Variants in SDK1 observed in about 807,000 individuals in gnomAD.
The protein encoded by SDK1 is sidekick cell adhesion molecule 1, also known as protein sidekick-1.
Under a neutral mutation model 245.5 loss-of-function variants are expected in SDK1, and 157 were observed. The ratio of observed to expected loss-of-function variants is 0.64; its 90% confidence interval spans 0.56 to 0.73. The LOEUF (loss-of-function observed/expected upper bound fraction) is 0.73, where lower values mean the gene tolerates loss of function less well. SDK1 is among the 30% of genes least tolerant of loss of function. SDK1 has a pLI of 0.00. For missense variants in SDK1, 3,583 were observed against 3,002.3 expected (o/e 1.19, Z -4.52); for synonymous variants, 1,647 against 1,278.5 (o/e 1.29, Z -6.15).
intron 1 of SDK1, among the ~76,000 whole-genome samples, chr7:3,483,252 A>T (rs1781573695): frequency 6.6e-6 from 1 of 152,146 alleles, no homozygotes; most frequent in African/African-American, 2.4e-5. Context: ...CTTTTAGTTT[A>T]TTCAGGCTTC....
chr7:3,624,017 T>C lies in SDK1; in HGVS notation c.458+4778T>C, dbSNP rs917877813. 5.9e-5 allele frequency among the ~76,000 whole-genome samples: 9 copies of C among 152,292 alleles called. No individual in the cohort carries two copies. In the East Asian group the frequency reaches 1.4e-3, roughly 23 times the overall value. On this transcript the variant is annotated intron_variant, in intron 2 of 44. Coordinates refer to ENST00000404826, the MANE Select transcript of SDK1 (RefSeq NM_152744.4). ...CATTTCACAGTATCAATAAAAATTA[T>C]GAAATACCTGGGAATAAGTTTTATA...
rs1020901972 is a variant in SDK1, at chr7:4,266,864, G to A, written c.*1480G>A. The A allele has an allele frequency of 1.3e-4, 127 of 985,548 alleles. No individual in the cohort carries two copies. The African/African-American group carries it at 2.2e-3, about 17-fold the overall frequency. The allele number at this position is 985,548 out of a possible 1,614,324, so 61.1% of individuals were successfully genotyped here. On this transcript the variant is annotated 3_prime_UTR_variant, in exon 45 of 45. Transcript: ENST00000404826. ...CACAAGACTCAAGACCACCCTGTCA[G>A]TGCCCCCCAGTGCACGGCAAACGGG...
chr7:3,495,095 C>G (rs913691283), intron 1 of SDK1, among the ~76,000 whole-genome samples: 3 of 152,058 alleles, frequency 2.0e-5, no homozygotes, highest in Non-Finnish European at 2.9e-5. Context: ...TGGTTGATGA[C>G]AGATGCCACC....
chr7:4,032,103 A>T (rs1787866650), intron 17 of SDK1, among the ~76,000 whole-genome samples: 1 of 152,066 alleles, frequency 6.6e-6, no homozygotes, highest in African/African-American at 2.4e-5. Context: ...AAACCCAAAC[A>T]GGTCCAAAGA....
chr7:3,482,759 C>G (rs1383944879), intron 1 of SDK1, among the ~76,000 whole-genome samples: 1 of 152,162 alleles, frequency 6.6e-6, no homozygotes, highest in Non-Finnish European at 1.5e-5. Flanking sequence ...GCAGCTTCCA[C>G]CCAATATTCA....
At chr7:4,022,989 T>C (rs1278572196) in intron 17 of SDK1, among the ~76,000 whole-genome samples, 1 of 152,034 alleles carries the variant, frequency 6.6e-6, no homozygotes, top group Admixed American at 6.6e-5. Context: ...TTACCCAGGA[T>C]GGTCTCGATC....
chr7:3,412,182 C>T (rs1460623649), intron 1 of SDK1, among the ~76,000 whole-genome samples: 1 of 152,084 alleles, frequency 6.6e-6, no homozygotes, highest in Non-Finnish European at 1.5e-5. Context: ...TTATATGGCT[C>T]AAAATTTGAA....
Position 4,266,434 on chromosome 7 carries a change from C to A in SDK1, c.*1050C>A. ...ACGCTCCCGACTCGCCTCGTGCACA[C>A]CAGGCCGTCCCCTCCCTCTGTCCTG... On this transcript the variant is annotated 3_prime_UTR_variant, in exon 45 of 45. Coordinates refer to ENST00000404826, the MANE Select transcript of SDK1 (RefSeq NM_152744.4). 1.0e-6 allele frequency: 1 copy of A among 985,394 alleles called. No individual in the cohort carries two copies. The allele number at this position is 985,394 out of a possible 1,614,324, so 61.0% of individuals were successfully genotyped here.
intron 5 of SDK1, among the ~76,000 whole-genome samples, chr7:3,851,894 C>G (rs1470328404): frequency 1.3e-5 from 2 of 152,018 alleles, no homozygotes; most frequent in Non-Finnish European, 2.9e-5. Flanking sequence ...TTCTCATACC[C>G]CTGACAGATT....
chr7:4,133,195 A>G (rs752823901), intron 28 of SDK1, among the ~76,000 whole-genome samples: 7 of 152,338 alleles, frequency 4.6e-5, no homozygotes, highest in Non-Finnish European at 8.8e-5. Flanking sequence ...GAACGCGTTT[A>G]CTTCTGACTT....
chr7:3,981,967 A>T (rs1361669278), intron 13 of SDK1, among the ~76,000 whole-genome samples: 1 of 152,218 alleles, frequency 6.6e-6, no homozygotes, highest in Non-Finnish European at 1.5e-5. Context: ...ACAGCCTTTT[A>T]TGGGAAGAAG....
At chr7:4,064,983 T>G (rs1195550271) in intron 19 of SDK1, among the ~76,000 whole-genome samples, 1 of 152,040 alleles carries the variant, frequency 6.6e-6, no homozygotes, top group Non-Finnish European at 1.5e-5. Flanking sequence ...AAGGAGTAAG[T>G]TCCAATGCTC....
intron 1 of SDK1, among the ~76,000 whole-genome samples, chr7:3,409,720 C>G (rs1779147938): frequency 6.6e-6 from 1 of 151,552 alleles, no homozygotes; most frequent in Non-Finnish European, 1.5e-5. Context: ...GACTGTTGAC[C>G]CAGAGAAAGA....
At chr7:3,692,494 T>G (rs569935695) in intron 4 of SDK1, among the ~76,000 whole-genome samples, 8 of 152,208 alleles carry the variant, frequency 5.3e-5, no homozygotes, top group Non-Finnish European at 1.0e-4. Flanking sequence ...TAACATATTT[T>G]AAGCTTGTTG....
chr7:4,133,313 C>T (rs1403297819), intron 28 of SDK1, among the ~76,000 whole-genome samples: 1 of 152,244 alleles, frequency 6.6e-6, no homozygotes, highest in African/African-American at 2.4e-5. Flanking sequence ...AGTTCCTTGA[C>T]TCATTCACCC....
At chr7:3,361,197 A>G (rs950985781) in intron 1 of SDK1, among the ~76,000 whole-genome samples, 1 of 152,062 alleles carries the variant, frequency 6.6e-6, no homozygotes. Flanking sequence ...ATGCCTGTAA[A>G]CTCTTCGGGA....
At chr7:3,454,228 C>G (rs974280923) in intron 1 of SDK1, among the ~76,000 whole-genome samples, 1 of 152,056 alleles carries the variant, frequency 6.6e-6, no homozygotes, top group East Asian at 1.9e-4. Flanking sequence ...TCAAGGAAAA[C>G]CAGGTCCACA....
chr7:3,391,371 A>G (rs963771943), intron 1 of SDK1, among the ~76,000 whole-genome samples: 2 of 152,132 alleles, frequency 1.3e-5, no homozygotes, highest in Non-Finnish European at 2.9e-5. Flanking sequence ...TTTGAATGTA[A>G]GCAGTTTCTT....
chr7:3,325,428 C>T (rs750033126), intron 1 of SDK1, among the ~76,000 whole-genome samples: 10 of 151,912 alleles, frequency 6.6e-5, no homozygotes, highest in South Asian at 2.1e-4. Flanking sequence ...TGATATTCAA[C>T]GAATACCAAT....
Sources: gnomAD v4.1 joint callset for allele counts (sites outside exome capture counted in the v4.1 genomes callset) on GRCh38, gnomAD v4.1.1 for gene constraint, MANE v1.5 for transcripts, NCBI Gene and HGNC (gene_info 2026-07-23, HGNC 2026-07-21) for gene names.